PHC2: variants seen among roughly 807,000 people sequenced by gnomAD.
PHC2 encodes the protein polyhomeotic-like protein 2.
In PHC2, 29 loss-of-function variants were observed where a neutral mutation model predicts 87.4. That is an observed-to-expected ratio of 0.33 (90% CI 0.25 to 0.45). The LOEUF is 0.45. PHC2 is among the 20% of genes least tolerant of loss of function. The pLI is 1.00. For missense variants in PHC2, 857 were observed against 1,136.7 expected, an observed-to-expected ratio of 0.75 and a Z score of 3.54; for synonymous variants, 438 against 461.7, an observed-to-expected ratio of 0.95 and a Z score of 0.66.
At chr1:33,345,637 A>G in intron 9 of PHC2, 3 of 983,414 alleles carry the variant, frequency 3.1e-6, no homozygotes, top group Non-Finnish European at 3.6e-6. Flanking sequence ...TAGTAATTCT[A>G]AATTGTATAA....
chr1:33,353,288 A>G (rs1322764551), intron 9 of PHC2: 2 of 152,232 alleles, frequency 1.3e-5, no homozygotes, highest in Non-Finnish European at 2.9e-5. Context: ...CAAACACTGT[A>G]TAAGATGGAC....
At chr1:33,375,312 G>C (rs1648109217) in intron 2 of PHC2, 54 bp downstream of exon 2, 1 of 1,385,616 alleles carries the variant, frequency 7.2e-7, no homozygotes, top group African/African-American at 1.5e-5. Flanking sequence ...CCTCCTCCTT[G>C]CTAGCCCTGG....
At chr1:33,327,997 C>G (rs575928004) in intron 14 of PHC2, among the ~76,000 whole-genome samples, 3 of 152,188 alleles carry the variant, frequency 2.0e-5, no homozygotes, top group Non-Finnish European at 4.4e-5. Context: ...AGTGACAGAG[C>G]CAGAATTTGA....
At chr1:33,397,662 G>A (rs181660602) in intron 1 of PHC2, among the ~76,000 whole-genome samples, 53 of 152,084 alleles carry the variant, frequency 3.5e-4, no homozygotes, top group Admixed American at 2.7e-3. Flanking sequence ...CTTTGTTTGG[G>A]GTGGTCTCAG....
intron 1 of PHC2, among the ~76,000 whole-genome samples, chr1:33,411,504 C>G (rs1235405769): frequency 1.3e-5 from 2 of 151,308 alleles, no homozygotes; most frequent in Non-Finnish European, 2.9e-5. Flanking sequence ...ATAAAAAAAT[C>G]TAGCAATGTA....
rs1647678624 is a variant in PHC2, at chr1:33,369,292, G to A, written c.577-670C>T. On this transcript the variant is annotated intron_variant, in intron 5 of 14. Transcript: ENST00000683057. The surrounding 1 kb of genome is among the most constrained non-coding windows in gnomAD (Gnocchi z 4.7). ...CGTGGGAGTCTAGCTCTGCATCAGT[G>A]TGGATGTGCTGGTGCCTTGACAGGG... Among the ~76,000 whole-genome samples the A allele has an allele frequency of 6.6e-6, 1 of 152,226 alleles. No homozygotes were observed. Among genetic ancestry groups the A allele is most frequent in the Admixed American group, 6.5e-5 (1 of 15,290 alleles).
At position 33,340,797 on chromosome 1, in the gene PHC2, G is replaced by C. The variant is rs139597187; in HGVS notation, c.1559-6505C>G. Among the ~76,000 whole-genome samples the C allele has an allele frequency of 1.5e-4, 23 of 152,098 alleles. No homozygotes were observed. In the East Asian group the frequency reaches 1.7e-3, roughly 12 times the overall value. ...GGACCCTGACAGAGTCCATCAATTA[G>C]AGATTCATTTGGTTAACAATTTCTT... On this transcript the variant is annotated intron_variant, in intron 9 of 14. Coordinates refer to ENST00000683057, the MANE Select transcript of PHC2 (RefSeq NM_001385109.1).
intron 7 of PHC2, among the ~76,000 whole-genome samples, chr1:33,356,269 A>ATGTATG (rs1185464532): frequency 6.1e-5 from 6 of 99,146 alleles, no homozygotes; most frequent in Admixed American, 1.9e-4. Context: ...ATATATATAT[A>ATGTATG]TATATATGTA....
In PHC2 at chr1:33,347,196, G is replaced by A. The variant is rs1210386723; in HGVS notation, c.1558+7205C>T. 5 of 985,328 alleles carry A rather than the reference G, an allele frequency of 5.1e-6. No individual in the cohort carries two copies. The African/African-American group carries it at 8.7e-5, about 17-fold the overall frequency. The allele number at this position is 985,328 out of a possible 1,614,324, so 61.0% of individuals were successfully genotyped here. A position where few individuals can be genotyped will look rare whatever the true frequency, so the allele number is the denominator to read the frequency against. ...AGGGAAGGGCTTGGTGGCAGGAAGA[G>A]AAATCTCAGGGTCAGTCCGCTTAGA... On this transcript the variant is annotated intron_variant, in intron 9 of 14. Coordinates refer to ENST00000683057, the MANE Select transcript of PHC2 (RefSeq NM_001385109.1).
At chr1:33,407,468 T>C (rs891546598) in intron 1 of PHC2, among the ~76,000 whole-genome samples, 1 of 152,348 alleles carries the variant, frequency 6.6e-6, no homozygotes, top group Non-Finnish European at 1.5e-5. Flanking sequence ...AGTCTATCTA[T>C]GTCAAAAGTT....
chr1:33,323,930 G>A lies in PHC2; in HGVS notation c.*935C>T, dbSNP rs1382580741. 1 of 152,324 alleles carries A rather than the reference G, an allele frequency of 6.6e-6. No homozygotes were observed. The highest frequency in any genetic ancestry group is 1.9e-4 in the East Asian group (1 of 5,194). 9.4% of individuals were successfully genotyped at this position (152,324 alleles called of 1,614,324 possible). On this transcript the variant is annotated 3_prime_UTR_variant, in exon 15 of 15. Transcript: ENST00000683057. ...TTCTTTCCCCTTAGCAGTTCTCTGAGCCTCACCACTGGGACTCCCAGGGTG... is the reference window on the plus strand; with the variant it reads ...TTCTTTCCCCTTAGCAGTTCTCTGAACCTCACCACTGGGACTCCCAGGGTG...
chr1:33,360,544 T>C (rs1570483618), intron 7 of PHC2, among the ~76,000 whole-genome samples: 1 of 151,214 alleles, frequency 6.6e-6, no homozygotes, highest in Non-Finnish European at 1.5e-5. Context: ...ACATACCACA[T>C]AGTTGTTAGT....
intron 1 of PHC2, among the ~76,000 whole-genome samples, chr1:33,410,238 T>C (rs1649927587): frequency 1.3e-5 from 2 of 152,238 alleles, no homozygotes; most frequent in Admixed American, 1.3e-4. Context: ...CCCCTCTGGT[T>C]GGCATGATCC....
intron 14 of PHC2, among the ~76,000 whole-genome samples, chr1:33,328,378 A>T (rs1375950562): frequency 6.7e-5 from 9 of 133,678 alleles, no homozygotes; most frequent in Middle Eastern, 3.9e-3. Context: ...TCTTAATTAA[A>T]TTTTTTTTTT....
intron 1 of PHC2, among the ~76,000 whole-genome samples, chr1:33,393,180 C>T (rs907652254): frequency 1.3e-5 from 2 of 152,116 alleles, no homozygotes; most frequent in Non-Finnish European, 2.9e-5. Context: ...TGATAACTGG[C>T]GCCCAGAGCA....
chr1:33,355,288 T>C (rs771350658), intron 7 of PHC2, 35 bp from the exon 8 acceptor site: 18 of 1,510,620 alleles, frequency 1.2e-5, no homozygotes, highest in Non-Finnish European at 1.5e-5. Flanking sequence ...AGAGCATGGC[T>C]TGACCTTCTC....
chr1:33,352,210 C>T (rs943354014), intron 9 of PHC2, among the ~76,000 whole-genome samples: 3 of 152,150 alleles, frequency 2.0e-5, no homozygotes, highest in African/African-American at 2.4e-5. Flanking sequence ...ACCACTGTTG[C>T]GGAGACAGGG....
intron 6 of PHC2, among the ~76,000 whole-genome samples, chr1:33,367,676 G>A (rs1295276818): frequency 2.0e-5 from 3 of 152,146 alleles, no homozygotes; most frequent in African/African-American, 7.2e-5. Context: ...AGGACCTGCT[G>A]CCCAGCTGGG....
At chr1:33,346,813 C>T in intron 9 of PHC2, 1 of 985,270 alleles carries the variant, frequency 1.0e-6, no homozygotes, top group Non-Finnish European at 1.2e-6. Context: ...GTGAGGTCAT[C>T]CCCTTTACAC....
Sources: gnomAD v4.1 joint callset for allele counts (sites outside exome capture counted in the v4.1 genomes callset) on GRCh38, gnomAD v4.1.1 for gene constraint, Gnocchi (gnomAD v3.1) non-coding constraint, MANE v1.5 for transcripts, NCBI Gene and HGNC (gene_info 2026-07-23, HGNC 2026-07-21) for gene names.